The following PTK2 variants were observed in gnomAD, a reference collection of about 807,000 sequenced individuals.
The protein encoded by PTK2 is focal adhesion kinase 1.
In PTK2, 45 loss-of-function variants were observed where a neutral mutation model predicts 150.1. The ratio of observed to expected loss-of-function variants is 0.30; its 90% CI spans 0.24 to 0.38. The LOEUF (loss-of-function observed/expected upper bound fraction) is 0.38, where lower values mean the gene tolerates loss of function less well. Ranked by LOEUF, PTK2 falls within the 10% of genes least tolerant of loss-of-function variation. The pLI is 1.00. For missense variants in PTK2, 919 were observed against 1,307.3 expected (o/e 0.70, Z 4.58); for synonymous variants, 432 against 449.2 (o/e 0.96, Z 0.48).
At chr8:140,987,135 C>A (rs1293429809) in intron 1 of PTK2, among the ~76,000 whole-genome samples, 3 of 152,040 alleles carry the variant, frequency 2.0e-5, no homozygotes, top group African/African-American at 7.2e-5. Flanking sequence ...ATATCCAGAA[C>A]ATATAGAGAA....
At chr8:140,885,054 G>T (rs2154607216) in intron 3 of PTK2, among the ~76,000 whole-genome samples, 1 of 152,232 alleles carries the variant, frequency 6.6e-6, no homozygotes, top group African/African-American at 2.4e-5. Context: ...ACTCAATGGT[G>T]GTGTAATCTT....
intron 22 of PTK2, chr8:140,718,257 T>C (rs768606793): frequency 6.5e-6 from 1 of 153,092 alleles, no homozygotes; most frequent in Non-Finnish European, 1.5e-5. Flanking sequence ...TACAAGTGCT[T>C]CTGAAAATAC....
At chr8:140,794,611 A>G (rs1371544593) in intron 12 of PTK2, among the ~76,000 whole-genome samples, 1 of 152,090 alleles carries the variant, frequency 6.6e-6, no homozygotes, top group African/African-American at 2.4e-5. Flanking sequence ...TGTCCTTCTG[A>G]GAGCTTCCCA....
intron 5 of PTK2, among the ~76,000 whole-genome samples, chr8:140,862,784 G>A (rs887861486): frequency 5.3e-5 from 8 of 152,104 alleles, no homozygotes; most frequent in African/African-American, 1.7e-4. Context: ...GAGAACCTAA[G>A]GCCTGATGAT....
At chr8:140,788,383 A>AAAAC (rs777685087) in intron 14 of PTK2, among the ~76,000 whole-genome samples, 5 of 152,208 alleles carry the variant, frequency 3.3e-5, no homozygotes, top group Non-Finnish European at 7.3e-5. Flanking sequence ...CACCATTAAA[A>AAAAC]AAACAAACAA....
At chr8:140,996,753 C>G (rs1000125911) in intron 1 of PTK2, among the ~76,000 whole-genome samples, 3 of 152,218 alleles carry the variant, frequency 2.0e-5, no homozygotes, top group Admixed American at 6.5e-5. Context: ...AGATTCCTAT[C>G]AAAATATTAC....
chr8:140,787,321 T>A (rs529543994), intron 14 of PTK2, among the ~76,000 whole-genome samples: 24 of 152,342 alleles, frequency 1.6e-4, no homozygotes, highest in African/African-American at 5.8e-4. Flanking sequence ...GAACATAGTC[T>A]CCTCAGCTTT....
chr8:140,676,412 T>A (rs918800378), intron 27 of PTK2, among the ~76,000 whole-genome samples: 363 of 15,838 alleles, frequency 0.023, 4 homozygotes, highest in African/African-American at 0.14. Context: ...ATTAATTAAT[T>A]AATATATATA....
At chr8:140,960,725 T>C (rs2100182869) in intron 1 of PTK2, among the ~76,000 whole-genome samples, 1 of 152,188 alleles carries the variant, frequency 6.6e-6, no homozygotes, top group Non-Finnish European at 1.5e-5. Flanking sequence ...CTCACTCTTG[T>C]AATCCCAGCA....
At chr8:140,789,926 A>G (rs1256281696) in intron 13 of PTK2, among the ~76,000 whole-genome samples, 1 of 152,212 alleles carries the variant, frequency 6.6e-6, no homozygotes, top group East Asian at 1.9e-4. Flanking sequence ...ATAATATGAA[A>G]TACTACAGTA....
chr8:140,664,773 T>TA, intron 31 of PTK2, 144 bp downstream of exon 35: 1 of 808,510 alleles, frequency 1.2e-6, no homozygotes, highest in Non-Finnish European at 2.1e-6. Flanking sequence ...GGGCCAGTGT[T>TA]AGAGGGAAGG....
At chr8:140,980,593 G>T (rs1453535490) in intron 1 of PTK2, among the ~76,000 whole-genome samples, 1 of 152,108 alleles carries the variant, frequency 6.6e-6, no homozygotes, top group African/African-American at 2.4e-5. Context: ...CTGCACTTCA[G>T]CCTGGGCGAC....
intron 30 of PTK2, 142 bp from the exon 35 acceptor site, chr8:140,665,139 G>C: frequency 1.4e-6 from 1 of 717,200 alleles, no homozygotes; most frequent in Non-Finnish European, 2.3e-6. Flanking sequence ...GCCCTATCTT[G>C]TAAGTTATGA....
At chr8:140,870,119 G>A (rs188236385) in intron 4 of PTK2, among the ~76,000 whole-genome samples, 112 of 151,962 alleles carry the variant, frequency 7.4e-4, no homozygotes, top group Non-Finnish European at 1.3e-3. Flanking sequence ...CATCAACTAA[G>A]TACTAAGGCA....
At chr8:140,700,841 A>G in intron 26 of PTK2, 50 bp downstream of exon 29, 4 of 1,599,352 alleles carry the variant, frequency 2.5e-6, no homozygotes, top group Non-Finnish European at 3.4e-6. Flanking sequence ...AATATAGTAG[A>G]CTCTAACAGG....
chr8:140,848,844 T>A (rs1412345540), intron 5 of PTK2, among the ~76,000 whole-genome samples: 2 of 152,176 alleles, frequency 1.3e-5, no homozygotes, highest in Non-Finnish European at 2.9e-5. Flanking sequence ...TGGCTTTTAG[T>A]TGTCTGATGC....
In PTK2 at chr8:140,659,604, A is replaced by T; in HGVS notation, c.3021T>A (p.Tyr1007Ter). ...ACTCTTGCTGGAGGCTGGTCATGAC[A>T]TACTGCTGGGCCAGTTTCATCTTGT... Residue 1007 changes from tyrosine (Y) to a stop codon, truncating the protein, a stop_gained, in exon 32 of 32, where the codon TAT becomes TAA. Transcript: ENST00000522684. LOFTEE classifies it high-confidence loss of function. The T allele has an allele frequency of 6.2e-7, 1 of 1,614,218 alleles. No individual in the cohort carries two copies. The highest frequency in any genetic ancestry group is 8.5e-7 in the Non-Finnish European group (1 of 1,180,038).
intron 30 of PTK2, among the ~76,000 whole-genome samples, chr8:140,667,463 TCTC>T (rs145358353): frequency 0.45 from 57,688 of 127,212 alleles, 11,958 homozygotes; most frequent in Non-Finnish European, 0.53. Flanking sequence ...TCTCTCTCTC[TCTC>T]TTTTTTTTTT....
At chr8:140,885,456 G>A (rs140584156) in intron 3 of PTK2, among the ~76,000 whole-genome samples, 1,561 of 152,232 alleles carry the variant, frequency 0.01, 20 homozygotes, top group Non-Finnish European at 0.013. Context: ...TAAGAAGTTG[G>A]GGAAGAAAAC....
Sources: allele counts gnomAD v4.1 joint callset (sites outside exome capture counted in the v4.1 genomes callset), GRCh38; gene constraint gnomAD v4.1.1; transcripts MANE v1.5; gene names NCBI Gene and HGNC (gene_info 2026-07-23, HGNC 2026-07-21).